Variants in SPDYE21 observed in about 807,000 individuals in gnomAD.
SPDYE21 encodes the protein speedy protein E21.
SPDYE21 carries 14 observed loss-of-function variants against 36.2 expected under a neutral mutation model. The observed-to-expected ratio is 0.39, with a 90% CI of 0.26 to 0.61. The LOEUF (loss-of-function observed/expected upper bound fraction) is 0.61, where lower values mean the gene tolerates loss of function less well. Among genes scored for constraint, SPDYE21 ranks in the 20% least tolerant of loss-of-function variants. SPDYE21 has a pLI of 0.55. For synonymous variants in SPDYE21, 58 were observed against 155.1 expected (o/e 0.37, Z 4.65); for missense variants, 233 against 424.6 (o/e 0.55, Z 3.97).
At chr7:67,278,999 G>GCC (rs1802587873) in intron 2 of SPDYE21, among the ~76,000 whole-genome samples, 126 bp downstream of exon 2, 1 of 151,808 alleles carries the variant, frequency 6.6e-6, no homozygotes, top group African/African-American at 2.4e-5. Context: ...ATCACCTGAG[G>GCC]TCAGGAGTTC....
intron 4 of SPDYE21, among the ~76,000 whole-genome samples, 170 bp from the exon 5 acceptor site, chr7:67,282,465 C>T (rs1802656938): frequency 6.6e-6 from 1 of 151,090 alleles, no homozygotes; most frequent in Admixed American, 6.6e-5. Flanking sequence ...AGTCTCAGAG[C>T]AGGAGCCTCT....
In SPDYE21 at chr7:67,286,144, A is replaced by G; in HGVS notation, c.856A>G (p.Lys286Glu). The part of the protein sequence containing the change: ...KTRSRIPLLR[K>E]RWFQLGRSMN... ...CCGCTCTCGCATACCCTTGCTCCGT[A>G]AGCGTTGGTTCCAGTTAGGCCGTTC... is the stretch of plus-strand genomic sequence containing the variant. Residue 286 changes from lysine to glutamate, a missense_variant, in exon 7 of 9, where the codon AAG becomes GAG. By Grantham distance (56) the Lys-to-Glu change is moderately conservative (BLOSUM62 1). Transcript: ENST00000424157. 1 of 1,612,168 alleles carries G rather than the reference A, an allele frequency of 6.2e-7. No individual in the cohort carries two copies. The highest frequency in any genetic ancestry group is 8.5e-7 in the Non-Finnish European group (1 of 1,179,620).
At chr7:67,283,089 A>G (rs920877551) in intron 5 of SPDYE21, among the ~76,000 whole-genome samples, 3 of 151,464 alleles carry the variant, frequency 2.0e-5, no homozygotes, top group African/African-American at 7.3e-5. Context: ...TATAGATGTC[A>G]GCCACTGTGC....
chr7:67,282,680 G>C lies in SPDYE21; in HGVS notation c.656G>C (p.Arg219Thr). 6.5e-7 allele frequency: 1 copy of C among 1,531,796 alleles called. No individual in the cohort carries two copies. The highest frequency in any genetic ancestry group is 1.1e-5 in the South Asian group (1 of 88,658). The allele number at this position is 1,531,796 out of a possible 1,614,324, so 94.9% of individuals were successfully genotyped here. A position where few individuals can be genotyped will look rare whatever the true frequency, so the allele number is the denominator to read the frequency against. The change falls in exon 5 of 9, where the codon AGG (arginine) becomes ACG (threonine). Residue 219 changes from arginine to threonine, a missense_variant. Transcript: ENST00000424157. Reference sequence around the variant, plus strand: ...TTCCTGGCCTGGGACAAAGATCTGAGGGTGTCGGACAAGGTAAGGTTGTTC... The same window carrying C: ...TTCCTGGCCTGGGACAAAGATCTGACGGTGTCGGACAAGGTAAGGTTGTTC... The part of the protein sequence containing the change: ...KRFLAWDKDL[R>T]VSDKYLLAMV...
intron 8 of SPDYE21, among the ~76,000 whole-genome samples, 49 bp downstream of exon 8, chr7:67,286,713 G>A (rs1367095628): frequency 6.6e-6 from 1 of 151,934 alleles, no homozygotes; most frequent in Non-Finnish European, 1.5e-5. Flanking sequence ...GGTCTATTTC[G>A]GAAATCCGAA....
rs547800306 is a variant in SPDYE21, at chr7:67,286,074, C to T, written c.786C>T (p.Asp262=). 1.9e-5 allele frequency: 30 copies of T among 1,613,556 alleles called. No homozygotes were observed. Among genetic ancestry groups the T allele is most frequent in the South Asian group, 1.3e-4 (12 of 91,046 alleles). Residue 262 remains aspartate, a synonymous_variant, in exon 7 of 9, where the codon GAC becomes GAT. Coordinates refer to ENST00000424157, the MANE Select transcript of SPDYE21 (RefSeq NM_001382715.2). Reference sequence around the variant, plus strand: ...TGGCCAATGACATGGAGGAGGACGACGAGGACTCCAAACAAAACATCTTCC... The same window carrying T: ...TGGCCAATGACATGGAGGAGGACGATGAGGACTCCAAACAAAACATCTTCC... ...LYLANDMEED[D]EDSKQNIFHF... is the part of the protein sequence containing the mutation.
At chr7:67,281,099 C>CAAAAA (rs3972832) in intron 3 of SPDYE21, among the ~76,000 whole-genome samples, 78 of 43,722 alleles carry the variant, frequency 1.8e-3, no homozygotes, top group African/African-American at 3.7e-3. Flanking sequence ...ACAACAACAA[C>CAAAAA]AAAAAAAAAA....
intron 2 of SPDYE21, 160 bp from the exon 3 acceptor site, chr7:67,279,658 G>A (rs571465422): frequency 2.0e-5 from 30 of 1,535,886 alleles, no homozygotes; most frequent in South Asian, 5.0e-5. Context: ...GGGAAGGAGC[G>A]GCACATGGGG....
chr7:67,280,743 G>C (rs2116505469), intron 3 of SPDYE21, among the ~76,000 whole-genome samples: 1 of 133,820 alleles, frequency 7.5e-6, no homozygotes, highest in Non-Finnish European at 1.6e-5. Context: ...GGAAGGAAGG[G>C]CCCAGAAGTC....
At chr7:67,287,416 T>G (rs1802760031) in intron 8 of SPDYE21, among the ~76,000 whole-genome samples, 102 bp from the exon 9 acceptor site, 1 of 152,108 alleles carries the variant, frequency 6.6e-6, no homozygotes. Flanking sequence ...AAAATTGTAT[T>G]TCTCAATTGC....
chr7:67,288,102 CATAAAG>C lies in SPDYE21; in HGVS notation c.*635_*640del, dbSNP rs1465530740. Among the ~76,000 whole-genome samples, 2 of 151,584 alleles carry C rather than the reference CATAAAG, an allele frequency of 1.3e-5. No individual in the cohort carries two copies. Among genetic ancestry groups the C allele is most frequent in the South Asian group, 2.1e-4 (1 of 4,804 alleles). ...ATGAGAGTTATAGTTGTTATATATA[CATAAAG>C]ATAATTTTCTTTTCATTTTTAAGAG... On this transcript the variant is annotated 3_prime_UTR_variant, in exon 9 of 9. Coordinates refer to ENST00000424157, the MANE Select transcript of SPDYE21 (RefSeq NM_001382715.2).
At chr7:67,283,886 C>G (rs1802684060) in intron 5 of SPDYE21, 27 bp from the exon 6 acceptor site, 1 of 1,099,658 alleles carries the variant, frequency 9.1e-7, no homozygotes, top group Non-Finnish European at 1.4e-6. Flanking sequence ...TGACCTCTCC[C>G]TCTCTGTGTT....
chr7:67,285,932 G>A (rs1481796783), intron 6 of SPDYE21, 112 bp from the exon 7 acceptor site: 2 of 1,580,624 alleles, frequency 1.3e-6, no homozygotes, highest in East Asian at 4.5e-5. Flanking sequence ...TGCAGGGTGG[G>A]TGCCAGTCCT....
chr7:67,283,102 G>A lies in SPDYE21; in HGVS notation c.669+409G>A, dbSNP rs1047743088. ...ATTATAGATGTCAGCCACTGTGCCCGACCAGCTCCCATGGTCTTGAGTCTT... is the reference window on the plus strand; with the variant it reads ...ATTATAGATGTCAGCCACTGTGCCCAACCAGCTCCCATGGTCTTGAGTCTT... On this transcript the variant is annotated intron_variant, in intron 5 of 8. Transcript: ENST00000424157. 1.8e-4 allele frequency among the ~76,000 whole-genome samples: 27 copies of A among 151,260 alleles called. 1 individual carries two copies. The highest frequency in any genetic ancestry group is 6.1e-4 in the African/African-American group (25 of 41,150).
chr7:67,282,532 CA>C, intron 4 of SPDYE21, 102 bp from the exon 5 acceptor site: 1 of 1,533,850 alleles, frequency 6.5e-7, no homozygotes, highest in Non-Finnish European at 8.9e-7. Context: ...CCCGCGGCCA[CA>C]ATCCTGAGAC....
At chr7:67,282,111 C>T (rs1254846385) in intron 4 of SPDYE21, among the ~76,000 whole-genome samples, 1 of 151,928 alleles carries the variant, frequency 6.6e-6, no homozygotes, top group Non-Finnish European at 1.5e-5. Context: ...CCAGCCTGGC[C>T]CACAGAGCAA....
In SPDYE21 at chr7:67,279,057, T is replaced by TA. The variant is rs556185635; in HGVS notation, c.160+189dup. On this transcript the variant is annotated intron_variant, in intron 2 of 8. Coordinates refer to ENST00000424157, the MANE Select transcript of SPDYE21 (RefSeq NM_001382715.2). ...TGAAACCCCATCTCTACTAAAAGTA[T>TA]AAAAATTAGCCAAGTGGTAGTGGTG... 1.6e-3 allele frequency among the ~76,000 whole-genome samples: 239 copies of TA among 147,128 alleles called. 5 individuals carry two copies. In the South Asian group the frequency reaches 0.051, roughly 31 times the overall value.
At chr7:67,285,806 C>T (rs11769766) in intron 6 of SPDYE21, among the ~76,000 whole-genome samples, 10,039 of 151,958 alleles carry the variant, frequency 0.066, 395 homozygotes, top group Admixed American at 0.09. Flanking sequence ...GGATTCCAGG[C>T]GTAAGCCACC....
At chr7:67,283,708 C>A (rs984112113) in intron 5 of SPDYE21, among the ~76,000 whole-genome samples, 20 of 152,058 alleles carry the variant, frequency 1.3e-4, no homozygotes, top group South Asian at 1.0e-3. Context: ...GAGCATCACC[C>A]AAAACCCTTC....
Sources: gnomAD v4.1 joint callset for allele counts (sites outside exome capture counted in the v4.1 genomes callset) on GRCh38, gnomAD v4.1.1 for gene constraint, MANE v1.5 for transcripts, NCBI Gene and HGNC (gene_info 2026-07-23, HGNC 2026-07-21) for gene names.